The following JRK variants were observed in gnomAD, a reference collection of about 807,000 sequenced individuals.
JRK encodes Jrk helix-turn-helix protein.
For missense variants in JRK, 720 were observed against 509.2 expected, an observed-to-expected ratio of 1.41 and a Z score of -3.98; for synonymous variants, 303 against 218.1, an observed-to-expected ratio of 1.39 and a Z score of -3.43.
downstream of JRK, among the ~76,000 whole-genome samples, chr8:142,654,260 C>T (rs1846711325): frequency 2.0e-5 from 3 of 152,156 alleles, no homozygotes; most frequent in Non-Finnish European, 4.4e-5. Flanking sequence ...CCTCACAGCA[C>T]ACCTGCTGCC....
intron 1 of JRK, among the ~76,000 whole-genome samples, chr8:142,667,810 C>G (rs7007891): frequency 2.6e-5 from 4 of 152,200 alleles, no homozygotes; most frequent in African/African-American, 9.6e-5. Context: ...AAAGACAATG[C>G]GGGTCATTCT....
Position 142,658,712 on chromosome 8 carries a change from G to C in JRK, c.*5640C>G, listed in dbSNP as rs370903421. The C allele has an allele frequency of 2.9e-4, 406 of 1,389,390 alleles. 1 individual carries two copies. Among genetic ancestry groups the C allele is most frequent in the Non-Finnish European group, 3.7e-4 (391 of 1,055,612 alleles). The allele number at this position is 1,389,390 out of a possible 1,614,324, so 86.1% of individuals were successfully genotyped here. A position where few individuals can be genotyped will look rare whatever the true frequency, so the allele number is the denominator to read the frequency against. On this transcript the variant is annotated 3_prime_UTR_variant, in exon 2 of 2. Transcript: ENST00000612905. ...TCAGGGTTTCAACATATAAACTTTGGGGGGGGACACAAACATGCAGTCCTT... is the reference window on the plus strand; with the variant it reads ...TCAGGGTTTCAACATATAAACTTTGCGGGGGGACACAAACATGCAGTCCTT...
At position 142,662,875 on chromosome 8, in the gene JRK, T is replaced by G; in HGVS notation, c.*1477A>C. The G allele has an allele frequency of 2.0e-6, 2 of 985,026 alleles. No homozygotes were observed. Among genetic ancestry groups the G allele is most frequent in the Non-Finnish European group, 2.4e-6 (2 of 829,608 alleles). The allele number at this position is 985,026 out of a possible 1,614,324, so 61.0% of individuals were successfully genotyped here. ...AAATAACATAGCAAGAAAAACCTAT[T>G]TAGGCCGAGTGCTGTGGCTCACACC... On this transcript the variant is annotated 3_prime_UTR_variant, in exon 2 of 2. Coordinates refer to ENST00000612905, the MANE Select transcript of JRK (RefSeq NM_003724.4).
intron 1 of JRK, among the ~76,000 whole-genome samples, chr8:142,667,593 G>A (rs983212490): frequency 6.6e-6 from 1 of 152,136 alleles, no homozygotes; most frequent in Non-Finnish European, 1.5e-5. Flanking sequence ...ACTAATTTAC[G>A]CCAGAAGCAA....
At chr8:142,667,527 C>T (rs964519685) in intron 1 of JRK, among the ~76,000 whole-genome samples, 4 of 152,206 alleles carry the variant, frequency 2.6e-5, no homozygotes, top group Non-Finnish European at 4.4e-5. Flanking sequence ...AACAAGCTAG[C>T]CCAGAGCAGG....
intron 1 of JRK, among the ~76,000 whole-genome samples, chr8:142,669,199 T>TGC (rs1554636779): frequency 2.1e-3 from 127 of 61,596 alleles, no homozygotes; most frequent in African/African-American, 6.0e-3. Context: ...TGTGTGTGTG[T>TGC]GCGTGTGTGT....
chr8:142,669,670 G>A (rs1288208177), intron 1 of JRK, among the ~76,000 whole-genome samples: 8 of 151,760 alleles, frequency 5.3e-5, no homozygotes, highest in Non-Finnish European at 1.0e-4. Flanking sequence ...GTGCGGCTCG[G>A]GGGCCGCGCG....
At position 142,663,487 on chromosome 8, in the gene JRK, T is replaced by C. The variant is rs1846982474; in HGVS notation, c.*865A>G. 1.0e-6 allele frequency: 1 copy of C among 985,354 alleles called. No homozygotes were observed. The highest frequency in any genetic ancestry group is 1.7e-5 in the African/African-American group (1 of 57,248). The allele number at this position is 985,354 out of a possible 1,614,324, so 61.0% of individuals were successfully genotyped here. On this transcript the variant is annotated 3_prime_UTR_variant, in exon 2 of 2. Transcript: ENST00000612905. ...AACCTAAGACTAATCTCTGAATGTC[T>C]GATCAAGACGTATTCATGTAAAGGC...
the JRK span, among the ~76,000 whole-genome samples, chr8:142,650,395 C>A: frequency 2.6e-5 from 4 of 152,030 alleles, no homozygotes; most frequent in Non-Finnish European, 5.9e-5. Flanking sequence ...TGGGAGGGGC[C>A]GGGGGTGGAA....
Position 142,663,726 on chromosome 8 carries a change from C to G in JRK, c.*626G>C. On this transcript the variant is annotated 3_prime_UTR_variant, in exon 2 of 2. Transcript: ENST00000612905. The stretch of plus-strand genomic sequence containing the variant: ...CCCATGGGACAGGATCTGCGGGTAA[C>G]AGAGGATGGTTCCAGAGTCATTCTG... 1.0e-6 allele frequency: 1 copy of G among 985,486 alleles called. No homozygotes were observed. The highest frequency in any genetic ancestry group is 1.2e-6 in the Non-Finnish European group (1 of 829,962). The allele number at this position is 985,486 out of a possible 1,614,324, so 61.0% of individuals were successfully genotyped here. A position where few individuals can be genotyped will look rare whatever the true frequency, so the allele number is the denominator to read the frequency against.
chr8:142,666,758 G>A (rs1399565309), intron 1 of JRK, among the ~76,000 whole-genome samples: 1 of 152,210 alleles, frequency 6.6e-6, no homozygotes, highest in African/African-American at 2.4e-5. Context: ...GCAAACTGAA[G>A]CCATTCGCTA....
At position 142,660,020 on chromosome 8, in the gene JRK, G is replaced by C. The variant is rs1554634294; in HGVS notation, c.*4332C>G. On this transcript the variant is annotated 3_prime_UTR_variant, in exon 2 of 2. Transcript: ENST00000612905. ...CAAAGGAGTGGGCGTGTGGGGCTGG[G>C]AGCTGGGGCTCATGTGGGAGGCTGG... 1 of 985,890 alleles carries C rather than the reference G, an allele frequency of 1.0e-6. No individual in the cohort carries two copies. The highest frequency in any genetic ancestry group is 1.2e-6 in the Non-Finnish European group (1 of 830,326). 61.1% of individuals were successfully genotyped at this position (985,890 alleles called of 1,614,324 possible).
At position 142,661,147 on chromosome 8, in the gene JRK, G is replaced by A. The variant is rs1554634480; in HGVS notation, c.*3205C>T. The stretch of plus-strand genomic sequence containing the variant: ...GAAGTCACGCACAGACAGGCCCAGG[G>A]CAAGGTCTGCTCTAGACCCTCCTAT... On this transcript the variant is annotated 3_prime_UTR_variant, in exon 2 of 2. Coordinates refer to ENST00000612905, the MANE Select transcript of JRK (RefSeq NM_003724.4). The A allele has an allele frequency of 2.0e-6, 2 of 985,366 alleles. No individual in the cohort carries two copies. Among genetic ancestry groups the A allele is most frequent in the Non-Finnish European group, 1.2e-6 (1 of 829,970 alleles). The allele number at this position is 985,366 out of a possible 1,614,324, so 61.0% of individuals were successfully genotyped here.
In JRK at chr8:142,660,705, C is replaced by CCA. The variant is rs1846887736; in HGVS notation, c.*3646_*3647insTG. On this transcript the variant is annotated 3_prime_UTR_variant, in exon 2 of 2. Transcript: ENST00000612905. Reference sequence around the variant, plus strand: ...GCAGAAGCCACCACACCCGGATCCCCAATAAGCACATTTATGTGGGGCGTG... The same window carrying CCA: ...GCAGAAGCCACCACACCCGGATCCCCCAAATAAGCACATTTATGTGGGGCGTG... 7 of 985,416 alleles carry CCA rather than the reference C, an allele frequency of 7.1e-6. No individual in the cohort carries two copies. The Admixed American group carries it at 3.1e-4, about 43-fold the overall frequency. 61.0% of individuals were successfully genotyped at this position (985,416 alleles called of 1,614,324 possible).
rs1554635008 is a variant in JRK, at chr8:142,664,038, G to A, written c.*314C>T. 2.6e-6 allele frequency: 3 copies of A among 1,170,218 alleles called. No homozygotes were observed. Among genetic ancestry groups the A allele is most frequent in the South Asian group, 3.9e-5 (1 of 25,448 alleles). 72.5% of individuals were successfully genotyped at this position (1,170,218 alleles called of 1,614,324 possible). ...TGATCAGCCAGCGAACACGAGACCA[G>A]ATCGGCTCAGCCTGGCCCCCATTCC... On this transcript the variant is annotated 3_prime_UTR_variant, in exon 2 of 2. Transcript: ENST00000612905.
chr8:142,669,197 T>TGTGTGTGTGTGC (rs1409456082), intron 1 of JRK, among the ~76,000 whole-genome samples: 3 of 56,830 alleles, frequency 5.3e-5, no homozygotes, highest in South Asian at 1.7e-3. Context: ...TGTGTGTGTG[T>TGTGTGTGTGTGC]GTGCGTGTGT....
At chr8:142,656,077 T>C (rs1554633611), downstream of JRK, among the ~76,000 whole-genome samples, 1 of 152,236 alleles carries the variant, frequency 6.6e-6, no homozygotes, top group Non-Finnish European at 1.5e-5. Context: ...AAATCCAGCA[T>C]CTTACTCTAC....
chr8:142,660,762 G>A lies in JRK; in HGVS notation c.*3590C>T. The A allele has an allele frequency of 1.0e-6, 1 of 985,448 alleles. No individual in the cohort carries two copies. The highest frequency in any genetic ancestry group is 1.7e-5 in the African/African-American group (1 of 57,326). The allele number at this position is 985,448 out of a possible 1,614,324, so 61.0% of individuals were successfully genotyped here. On this transcript the variant is annotated 3_prime_UTR_variant, in exon 2 of 2. Transcript: ENST00000612905. ...GGTCCCTGAGGTGCAGTGTGGACGG[G>A]TCTTGATTTGTCCCAAGTTGTCGCT...
chr8:142,664,051 T>C lies in JRK; in HGVS notation c.*301A>G. 2 of 1,200,060 alleles carry C rather than the reference T, an allele frequency of 1.7e-6. No homozygotes were observed. Among genetic ancestry groups the C allele is most frequent in the Non-Finnish European group, 2.1e-6 (2 of 965,812 alleles). The allele number at this position is 1,200,060 out of a possible 1,614,324, so 74.3% of individuals were successfully genotyped here. A position where few individuals can be genotyped will look rare whatever the true frequency, so the allele number is the denominator to read the frequency against. ...AACACGAGACCAGATCGGCTCAGCC[T>C]GGCCCCCATTCCAGCCAGGGTGCGG... On this transcript the variant is annotated 3_prime_UTR_variant, in exon 2 of 2. Transcript: ENST00000612905.
Sources: allele counts gnomAD v4.1 joint callset (sites outside exome capture counted in the v4.1 genomes callset), GRCh38; gene constraint gnomAD v4.1.1; transcripts MANE v1.5; gene names NCBI Gene and HGNC (gene_info 2026-07-23, HGNC 2026-07-21).